SH3KBP1: variants seen among roughly 807,000 people sequenced by gnomAD.
SH3KBP1 encodes the protein SH3 domain containing kinase binding protein 1, also known as SH3 domain-containing kinase-binding protein 1.
A neutral mutation model predicts 50.1 loss-of-function variants in SH3KBP1; 8 were observed. That is an observed-to-expected ratio of 0.16 (90% CI 0.09 to 0.29). SH3KBP1 has a LOEUF of 0.29. Among genes scored for constraint, SH3KBP1 ranks in the 10% least tolerant of loss-of-function variants. The pLI, the probability that SH3KBP1 is intolerant of heterozygous loss-of-function variation, is 1.00. For missense variants in SH3KBP1, 377 were observed against 535.2 expected (o/e 0.70, Z 2.92); for synonymous variants, 227 against 218.6 (o/e 1.04, Z -0.34).
At chrX:19,710,678 G>A (rs1041243169) in intron 3 of SH3KBP1, among the ~76,000 whole-genome samples, 2 of 111,179 alleles carry the variant, frequency 1.8e-5, no homozygotes, top group South Asian at 3.8e-4. Context: ...AGATATGTAC[G>A]TATAGGGAAA....
chrX:19,545,048 A>G (rs1385711048), intron 15 of SH3KBP1, among the ~76,000 whole-genome samples: 1 of 112,609 alleles, frequency 8.9e-6, no homozygotes, highest in Non-Finnish European at 1.9e-5. Context: ...GTTGTATAGG[A>G]TCACGTTTTG....
chrX:19,731,155 T>A (rs1287392931), intron 3 of SH3KBP1, among the ~76,000 whole-genome samples: 1 of 111,580 alleles, frequency 9.0e-6, no homozygotes, highest in African/African-American at 3.3e-5. Context: ...CCCAGGCTGA[T>A]CTCGAACTCC....
rs1283178516 is a variant in SH3KBP1 at position 19,561,134 on chromosome X, T to C, written c.1384+7969A>G. 2.3e-4 allele frequency among the ~76,000 whole-genome samples: 25 copies of C among 107,063 alleles called. No homozygotes were observed. In the Admixed American group the frequency reaches 2.5e-3, roughly 11 times the overall value. The allele number at this position is 107,063 out of a possible 115,157, so 93.0% of individuals were successfully genotyped here. ...TCATAATATAGAATTTTAATGCATA[T>C]GTGAGACAATAATATTCTAATGTCC... On this transcript the variant is annotated intron_variant, in intron 13 of 17. Transcript: ENST00000397821.
intron 4 of SH3KBP1, among the ~76,000 whole-genome samples, chrX:19,703,695 ACTGTGTGTGT>A (rs2063578758): frequency 1.4e-5 from 1 of 70,391 alleles, no homozygotes; most frequent in Non-Finnish European, 2.7e-5. Flanking sequence ...AAAAAGAGAA[ACTGTGTGTGT>A]GTGTGTGTGT....
intron 2 of SH3KBP1, among the ~76,000 whole-genome samples, chrX:19,779,597 G>T (rs1399098897): frequency 1.4e-5 from 1 of 71,059 alleles, no homozygotes; most frequent in Non-Finnish European, 2.5e-5. Flanking sequence ...CCCACAACAG[G>T]CCCCAGAGTG....
At chrX:19,871,291 T>C (rs1006576494) in intron 1 of SH3KBP1, among the ~76,000 whole-genome samples, 6 of 112,299 alleles carry the variant, frequency 5.3e-5, no homozygotes, top group Non-Finnish European at 1.1e-4. Context: ...CTAGATATGT[T>C]TGAGGAGTTC....
At chrX:19,755,991 G>T (rs2065198463) in intron 2 of SH3KBP1, among the ~76,000 whole-genome samples, 1 of 111,152 alleles carries the variant, frequency 9.0e-6, no homozygotes, top group Non-Finnish European at 1.9e-5. Flanking sequence ...TGCTCACTCA[G>T]GGAGCTCGGC....
At position 19,553,965 on chromosome X, in the gene SH3KBP1, TA is replaced by T. The variant is rs1363293636; in HGVS notation, c.1385-3883del. On this transcript the variant is annotated intron_variant, in intron 13 of 17. Coordinates refer to ENST00000397821, the MANE Select transcript of SH3KBP1 (RefSeq NM_031892.3). ...ATAATATATATTAAAATATAATATATAATATATATTAAAATATAATATATAA... is the reference window on the plus strand; with the variant it reads ...ATAATATATATTAAAATATAATATATATATATATTAAAATATAATATATAA... 3.6e-4 allele frequency among the ~76,000 whole-genome samples: 24 copies of T among 67,506 alleles called. 1 individual carries two copies. The highest frequency in any genetic ancestry group is 1.6e-3 in the African/African-American group (21 of 13,052). The allele number at this position is 67,506 out of a possible 115,157, so 58.6% of individuals were successfully genotyped here. A position where few individuals can be genotyped will look rare whatever the true frequency, so the allele number is the denominator to read the frequency against.
chrX:19,588,145 G>A (rs1029759435), intron 12 of SH3KBP1: 12 of 256,487 alleles, frequency 4.7e-5, no homozygotes, highest in African/African-American at 3.3e-4. Flanking sequence ...AGTTAGAGAC[G>A]TTCCTGGCTC....
At chrX:19,857,701 G>A (rs937185252) in intron 1 of SH3KBP1, among the ~76,000 whole-genome samples, 1 of 110,760 alleles carries the variant, frequency 9.0e-6, no homozygotes, top group Non-Finnish European at 1.9e-5. Flanking sequence ...CAGCCTGGAC[G>A]ACAGAGCAAG....
chrX:19,817,287 T>G (rs759329142), intron 2 of SH3KBP1, among the ~76,000 whole-genome samples: 1 of 112,172 alleles, frequency 8.9e-6, no homozygotes, highest in Non-Finnish European at 1.9e-5. Context: ...TTATAAATCT[T>G]AAAATAAACT....
chrX:19,540,881 C>T (rs1175435342), intron 16 of SH3KBP1, among the ~76,000 whole-genome samples: 1 of 111,171 alleles, frequency 9.0e-6, no homozygotes, highest in African/African-American at 3.3e-5. Context: ...GATCCCTAAA[C>T]TCCTCGAGCC....
At chrX:19,600,095 CAAAAAAAAAAAA>C (rs1218369399) in intron 9 of SH3KBP1, among the ~76,000 whole-genome samples, 15 of 27,420 alleles carry the variant, frequency 5.5e-4, no homozygotes, top group South Asian at 2.0e-3. Flanking sequence ...GACTCCGTCT[CAAAAAAAAAAAA>C]AAAAAAAAAA....
intron 2 of SH3KBP1, among the ~76,000 whole-genome samples, chrX:19,760,606 G>A (rs899795890): frequency 4.6e-5 from 5 of 109,842 alleles, no homozygotes; most frequent in African/African-American, 1.7e-4. Flanking sequence ...CCTTCTTCCA[G>A]TAAGGAGCAG....
chrX:19,747,198 C>T (rs952655759), intron 2 of SH3KBP1, among the ~76,000 whole-genome samples: 3 of 112,357 alleles, frequency 2.7e-5, no homozygotes, highest in Non-Finnish European at 5.6e-5. Flanking sequence ...TTAATCAAAG[C>T]TCCATTAAGA....
chrX:19,625,187 G>A (rs753299635), intron 8 of SH3KBP1, among the ~76,000 whole-genome samples: 20 of 111,790 alleles, frequency 1.8e-4, no homozygotes, highest in African/African-American at 5.5e-4. Flanking sequence ...AAGGAAGTCT[G>A]AAAACATTTT....
chrX:19,563,093 A>T (rs1044895141), intron 13 of SH3KBP1, among the ~76,000 whole-genome samples: 3 of 112,048 alleles, frequency 2.7e-5, no homozygotes, highest in African/African-American at 9.7e-5. Flanking sequence ...GAAGACCCTC[A>T]TAACTAAGCA....
chrX:19,777,982 T>C (rs1259773352), intron 2 of SH3KBP1, among the ~76,000 whole-genome samples: 4 of 110,981 alleles, frequency 3.6e-5, no homozygotes, highest in Non-Finnish European at 7.6e-5. Context: ...CGAGATCCTC[T>C]GGAGCAGCTG....
intron 8 of SH3KBP1, among the ~76,000 whole-genome samples, chrX:19,617,274 A>G (rs1602677184): frequency 8.9e-6 from 1 of 112,570 alleles, no homozygotes; most frequent in South Asian, 3.6e-4. Flanking sequence ...AAAAACAGCC[A>G]CTTTGTATGT....
Sources: gnomAD v4.1 joint callset for allele counts (sites outside exome capture counted in the v4.1 genomes callset) on GRCh38, gnomAD v4.1.1 for gene constraint, MANE v1.5 for transcripts, NCBI Gene and HGNC (gene_info 2026-07-23, HGNC 2026-07-21) for gene names.